Variants in MTOR observed in about 807,000 individuals in gnomAD.
The protein encoded by MTOR is serine/threonine-protein kinase mTOR.
MTOR carries 70 observed loss-of-function variants against 319.8 expected under a neutral mutation model. That is an observed-to-expected ratio of 0.22 (90% CI 0.18 to 0.27). MTOR has a LOEUF of 0.27. MTOR is among the 10% of genes least tolerant of loss of function. The pLI, the probability that MTOR is intolerant of heterozygous loss-of-function variation, is 1.00. For synonymous variants in MTOR, 1,183 were observed against 1,211.4 expected (o/e 0.98, Z 0.49); for missense variants, 1,890 against 3,274.4 (o/e 0.58, Z 10.32).
At chr1:11,257,621 G>C (rs1650592063) in intron 3 of MTOR, among the ~76,000 whole-genome samples, 1 of 149,630 alleles carries the variant, frequency 6.7e-6, no homozygotes, top group South Asian at 2.1e-4. Context: ...ATTCTACTTT[G>C]AGTACATTTC....
intron 28 of MTOR, among the ~76,000 whole-genome samples, chr1:11,173,079 C>T (rs747709007): frequency 5.3e-5 from 8 of 151,950 alleles, no homozygotes; most frequent in African/African-American, 7.3e-5. Context: ...CTGCACCCTC[C>T]GCTTCTTGGG....
intron 6 of MTOR, among the ~76,000 whole-genome samples, chr1:11,251,708 TCTCAAACTCCTGAG>T (rs1429172142): frequency 1.3e-5 from 2 of 149,038 alleles, no homozygotes; most frequent in African/African-American, 2.5e-5. Context: ...CCCAGGCTGG[TCTCAAACTCCTGAG>T]CTCAAACTCC....
Position 11,124,518 on chromosome 1 carries a change from T to C in MTOR, c.6642A>G (p.Thr2214=). The C allele has an allele frequency of 1.1e-5, 18 of 1,608,946 alleles. No homozygotes were observed. Among genetic ancestry groups the C allele is most frequent in the Non-Finnish European group, 1.4e-5 (17 of 1,175,518 alleles). Residue 2214 remains threonine (T), a synonymous_variant, in exon 47 of 58, where the codon ACA becomes ACG. Transcript: ENST00000361445. ...LVNTLLANDP[T]SLRKNLSIQR... ...AATACCTGAGGTTTTTCCGAAGAGA[T>C]GTTGGGTCATTGGCCAGAAGGGTGT...
At chr1:11,117,147 A>G in intron 49 of MTOR, 61 bp from the exon 50 acceptor site, 1 of 1,322,332 alleles carries the variant, frequency 7.6e-7, no homozygotes, top group Non-Finnish European at 1.1e-6. Context: ...ACATAATTAT[A>G]CTCTAATAAG....
At chr1:11,239,286 T>C (rs1414427048) in intron 11 of MTOR, among the ~76,000 whole-genome samples, 11 of 152,196 alleles carry the variant, frequency 7.2e-5, no homozygotes, top group Admixed American at 5.2e-4. Flanking sequence ...ACCTTGCCTC[T>C]TTTAGTTCCC....
intron 47 of MTOR, among the ~76,000 whole-genome samples, chr1:11,122,787 G>A (rs1410804593): frequency 7.2e-5 from 11 of 152,072 alleles, no homozygotes; most frequent in East Asian, 1.9e-4. Flanking sequence ...GATTACAGGC[G>A]TGAGCCACCG....
At chr1:11,108,712 CAAAA>C (rs758531091) in intron 56 of MTOR, among the ~76,000 whole-genome samples, 2 of 49,594 alleles carry the variant, frequency 4.0e-5, no homozygotes, top group African/African-American at 6.6e-5. Flanking sequence ...GACCCTGTCT[CAAAA>C]AAAAAAAAAA....
chr1:11,219,169 A>T (rs914263332), intron 19 of MTOR, among the ~76,000 whole-genome samples: 1 of 151,926 alleles, frequency 6.6e-6, no homozygotes, highest in Non-Finnish European at 1.5e-5. Context: ...AGCTGAGATC[A>T]TGTCACTGCG....
chr1:11,171,947 A>G (rs982708705), intron 28 of MTOR, among the ~76,000 whole-genome samples: 8 of 151,798 alleles, frequency 5.3e-5, no homozygotes, highest in African/African-American at 1.9e-4. Flanking sequence ...AGGCAGGAGA[A>G]TCACTTGAAC....
rs184083510 is a variant in MTOR at position 11,118,574 on chromosome 1, G to A, written c.6934-1488C>T. On this transcript the variant is annotated intron_variant, in intron 49 of 57. Transcript: ENST00000361445. ...GAGACGATCTCACTATATTACCCAG[G>A]CTGGAGTGTAATGGCTTTTCATAGG... Among the ~76,000 whole-genome samples the A allele has an allele frequency of 2.7e-3, 405 of 151,010 alleles. 2 individuals are homozygous for A. Among genetic ancestry groups the A allele is most frequent in the African/African-American group, 9.2e-3 (377 of 41,186 alleles).
intron 34 of MTOR, 91 bp from the exon 35 acceptor site, chr1:11,139,749 TG>T (rs1643599574): frequency 6.5e-7 from 1 of 1,526,794 alleles, no homozygotes; most frequent in Admixed American, 1.8e-5. Flanking sequence ...TGGAGTGCAG[TG>T]GTGCAATCTT....
chr1:11,175,910 A>G (rs1644973934), intron 28 of MTOR, among the ~76,000 whole-genome samples: 2 of 152,002 alleles, frequency 1.3e-5, no homozygotes, highest in African/African-American at 2.4e-5. Context: ...CTGCCCAGCT[A>G]ATTTTTCTAT....
chr1:11,209,304 G>A lies in MTOR; in HGVS notation c.3801+8C>T, dbSNP rs1646239299. 1 of 1,614,150 alleles carries A rather than the reference G, an allele frequency of 6.2e-7. No homozygotes were observed. Among genetic ancestry groups the A allele is most frequent in the Non-Finnish European group, 8.5e-7 (1 of 1,179,994 alleles). ...TCCTTTCCCAGTCACCTGAAACAATGGACTTGCCTTTTGGAGGTTGATGGT... is the reference window on the plus strand; with the variant it reads ...TCCTTTCCCAGTCACCTGAAACAATAGACTTGCCTTTTGGAGGTTGATGGT... On this transcript the variant is annotated splice_region_variant and intron_variant, in intron 25 of 57. Coordinates refer to ENST00000361445, the MANE Select transcript of MTOR (RefSeq NM_004958.4).
chr1:11,256,852 A>C, intron 4 of MTOR, 81 bp downstream of exon 4: 1 of 1,357,562 alleles, frequency 7.4e-7, no homozygotes, highest in South Asian at 1.3e-5. Flanking sequence ...TTAAGGAATG[A>C]GCCTCAGAAG....
rs751166961 is a variant in MTOR at position 11,128,157 on chromosome 1, A to C, written c.5911-31T>G. 1.2e-6 allele frequency: 2 copies of C among 1,612,262 alleles called. No homozygotes were observed. The highest frequency in any genetic ancestry group is 1.7e-5 in the Admixed American group (1 of 59,654). On this transcript the variant is annotated intron_variant, in intron 42 of 57. Coordinates refer to ENST00000361445, the MANE Select transcript of MTOR (RefSeq NM_004958.4). This position sits in a 1 kb window ranked among gnomAD's most constrained non-coding sequence, Gnocchi z 5.3. ...GGAAAAACAGAAGAAACATCTATAAAGGAAATGTGGGTTGGGGAAGAGCTG... is the reference window on the plus strand; with the variant it reads ...GGAAAAACAGAAGAAACATCTATAACGGAAATGTGGGTTGGGGAAGAGCTG...
chr1:11,121,448 T>C lies in MTOR; in HGVS notation c.6811-80A>G, dbSNP rs926518255. On this transcript the variant is annotated intron_variant, in intron 48 of 57. Transcript: ENST00000361445. This position sits in a 1 kb window ranked among gnomAD's most constrained non-coding sequence, Gnocchi z 4.9. ...GTCCAGGAAGAAACAAGGCTTGGGG[T>C]CCAGGCAGAGCTGAGTTCTAATTTC... is the stretch of plus-strand genomic sequence containing the variant. 10 of 1,573,914 alleles carry C rather than the reference T, an allele frequency of 6.4e-6. No individual in the cohort carries two copies. Among genetic ancestry groups the C allele is most frequent in the Non-Finnish European group, 8.6e-6 (10 of 1,157,662 alleles).
At chr1:11,186,918 A>C (rs1020659475) in intron 28 of MTOR, among the ~76,000 whole-genome samples, 1 of 152,192 alleles carries the variant, frequency 6.6e-6, no homozygotes, top group Non-Finnish European at 1.5e-5. Flanking sequence ...TTCTGTCTTC[A>C]AGTATTGCCT....
In MTOR at chr1:11,115,473, G is replaced by A. The variant is rs1168810523; in HGVS notation, c.7017-5C>T. The A allele has an allele frequency of 6.2e-7, 1 of 1,613,584 alleles. No homozygotes were observed. On this transcript the variant is annotated splice_polypyrimidine_tract_variant and splice_region_variant and intron_variant, in intron 50 of 57. Coordinates refer to ENST00000361445, the MANE Select transcript of MTOR (RefSeq NM_004958.4). The surrounding 1 kb of genome is among the most constrained non-coding windows in gnomAD (Gnocchi z 4.5). ...AGCATCAGGTTGGATGGGTGTCTTT[G>A]AGAAACAGAAGACAGATCAGGGAGG... is the stretch of plus-strand genomic sequence containing the variant.
intron 26 of MTOR, among the ~76,000 whole-genome samples, chr1:11,200,636 C>A (rs1054106227): frequency 6.6e-6 from 1 of 152,064 alleles, no homozygotes; most frequent in African/African-American, 2.4e-5. Context: ...TAAGTTAGAC[C>A]AATGTGTATA....
Sources: allele counts gnomAD v4.1 joint callset (sites outside exome capture counted in the v4.1 genomes callset), GRCh38; gene constraint gnomAD v4.1.1; non-coding constraint Gnocchi (gnomAD v3.1); transcripts MANE v1.5; gene names NCBI Gene and HGNC (gene_info 2026-07-23, HGNC 2026-07-21).